FHIT: variants seen among roughly 807,000 people sequenced by gnomAD.
FHIT encodes fragile histidine triad diadenosine triphosphatase, also known as bis(5'-adenosyl)-triphosphatase.
FHIT carries 19 observed loss-of-function variants against 17.9 expected under a neutral mutation model. That is an observed-to-expected ratio of 1.06 (90% CI 0.74 to 1.56). The LOEUF (loss-of-function observed/expected upper bound fraction) is 1.56, where lower values mean the gene tolerates loss of function less well. Among genes scored for constraint, FHIT ranks in the 40% most tolerant of loss-of-function variants. FHIT has a pLI of 0.00. For missense variants in FHIT, 248 were observed against 189.2 expected, an observed-to-expected ratio of 1.31 and a Z score of -1.82; for synonymous variants, 81 against 69.7, an observed-to-expected ratio of 1.16 and a Z score of -0.81.
At chr3:60,310,029 C>T (rs990543860) in intron 5 of FHIT, among the ~76,000 whole-genome samples, 3 of 152,164 alleles carry the variant, frequency 2.0e-5, no homozygotes, top group African/African-American at 7.2e-5. Flanking sequence ...TACTGAGCAC[C>T]TGCCTGCTGT....
intron 5 of FHIT, among the ~76,000 whole-genome samples, chr3:60,150,316 G>C (rs141777207): frequency 9.9e-4 from 150 of 152,030 alleles, no homozygotes; most frequent in African/African-American, 3.5e-3. Flanking sequence ...GCATTTAATG[G>C]GATGTTAGGA....
chr3:60,106,615 T>C (rs1379935124), intron 5 of FHIT, among the ~76,000 whole-genome samples: 1 of 152,272 alleles, frequency 6.6e-6, no homozygotes, highest in Non-Finnish European at 1.5e-5. Context: ...GGTACTGTTG[T>C]ATATCAAACA....
intron 4 of FHIT, among the ~76,000 whole-genome samples, chr3:60,754,457 C>A (rs1260176485): frequency 6.6e-6 from 1 of 152,196 alleles, no homozygotes; most frequent in Admixed American, 6.5e-5. Context: ...CTTGGTCAAA[C>A]TCATCATCTC....
rs189495387 is a variant in FHIT, at chr3:60,747,090, A to G, written c.-18+74829T>C. On this transcript the variant is annotated intron_variant, in intron 4 of 9. Transcript: ENST00000492590. ...TTTATCTCCTGTGAATTCTCCTTTA[A>G]AACTAAGATCACAGTTCTGTGGTTC... Among the ~76,000 whole-genome samples the G allele has an allele frequency of 5.0e-3, 755 of 152,150 alleles. 6 individuals are homozygous for G. The highest frequency in any genetic ancestry group is 8.8e-3 in the Non-Finnish European group (601 of 68,000).
intron 5 of FHIT, among the ~76,000 whole-genome samples, chr3:60,128,185 G>C (rs1705645318): frequency 6.6e-6 from 1 of 152,122 alleles, no homozygotes; most frequent in African/African-American, 2.4e-5. Flanking sequence ...ATATGGTTTG[G>C]CTGTGTTCCC....
At chr3:60,181,143 T>A (rs879204195) in intron 5 of FHIT, among the ~76,000 whole-genome samples, 1 of 133,652 alleles carries the variant, frequency 7.5e-6, no homozygotes. Context: ...CAAATTTTTT[T>A]AATTTTTTTT....
chr3:60,093,637 T>C (rs1559625531), intron 5 of FHIT, among the ~76,000 whole-genome samples: 2 of 152,310 alleles, frequency 1.3e-5, no homozygotes, highest in South Asian at 2.1e-4. Context: ...CAAGCATTAC[T>C]GCCTGAGGTT....
chr3:61,087,429 T>G (rs1346604104), intron 2 of FHIT, among the ~76,000 whole-genome samples: 1 of 152,148 alleles, frequency 6.6e-6, no homozygotes, highest in Non-Finnish European at 1.5e-5. Context: ...GATGTATAAC[T>G]TCCAGCAAGG....
intron 4 of FHIT, among the ~76,000 whole-genome samples, chr3:60,577,860 C>T (rs915921463): frequency 1.1e-4 from 16 of 152,092 alleles, no homozygotes; most frequent in Non-Finnish European, 2.1e-4. Flanking sequence ...TCTGCTTCCC[C>T]TTTTCTAATA....
At chr3:60,030,243 G>A (rs1183937124) in intron 5 of FHIT, among the ~76,000 whole-genome samples, 3 of 152,084 alleles carry the variant, frequency 2.0e-5, no homozygotes, top group East Asian at 3.9e-4. Flanking sequence ...TATTCCATAT[G>A]GATAATGCGC....
At position 59,748,729 on chromosome 3, in the gene FHIT, T is replaced by C. The variant is rs1489780775; in HGVS notation, c.*856A>G. On this transcript the variant is annotated 3_prime_UTR_variant, in exon 10 of 10. Transcript: ENST00000492590. ...CAGTACACAGACTAAGAGAATGGCCTTTAGGGTGGGACTGCCTGGATTCAA... is the reference window on the plus strand; with the variant it reads ...CAGTACACAGACTAAGAGAATGGCCCTTAGGGTGGGACTGCCTGGATTCAA... 1.3e-5 allele frequency among the ~76,000 whole-genome samples: 2 copies of C among 152,114 alleles called. No homozygotes were observed. Among genetic ancestry groups the C allele is most frequent in the Non-Finnish European group, 1.5e-5 (1 of 68,016 alleles).
chr3:60,770,005 G>A (rs991460492), intron 4 of FHIT, among the ~76,000 whole-genome samples: 3 of 152,162 alleles, frequency 2.0e-5, no homozygotes, highest in Non-Finnish European at 4.4e-5. Flanking sequence ...TGTTGGGAGG[G>A]GTCATTAGTC....
chr3:60,220,162 G>A (rs748970947), intron 5 of FHIT, among the ~76,000 whole-genome samples: 10 of 152,106 alleles, frequency 6.6e-5, no homozygotes, highest in Non-Finnish European at 1.5e-4. Context: ...AGACAAAGTG[G>A]AGGCCTCTAG....
chr3:60,331,706 C>T (rs991763036), intron 5 of FHIT, among the ~76,000 whole-genome samples: 26 of 151,810 alleles, frequency 1.7e-4, no homozygotes, highest in African/African-American at 5.3e-4. Flanking sequence ...ATTAGCTGGG[C>T]GTGGTGGCGC....
At chr3:60,402,226 C>T (rs978819028) in intron 5 of FHIT, among the ~76,000 whole-genome samples, 1 of 152,194 alleles carries the variant, frequency 6.6e-6, no homozygotes, top group African/African-American at 2.4e-5. Context: ...GGGCTTGTCA[C>T]TCACAGTTTT....
intron 5 of FHIT, among the ~76,000 whole-genome samples, chr3:60,327,406 T>G (rs1056394145): frequency 5.9e-5 from 9 of 152,194 alleles, no homozygotes; most frequent in Non-Finnish European, 7.3e-5. Context: ...GTGCAGCTAC[T>G]TAGCTCTGAC....
Position 60,677,175 on chromosome 3 carries a change from C to G in FHIT, c.-17-140196G>C, listed in dbSNP as rs1454039340. On this transcript the variant is annotated intron_variant, in intron 4 of 9. Coordinates refer to ENST00000492590, the MANE Select transcript of FHIT (RefSeq NM_002012.4). ...TACAGGCATGAGCCACTGTGCCCAG[C>G]CAATTTTTTAATTACGTAAATTAAA... 5.9e-5 allele frequency among the ~76,000 whole-genome samples: 9 copies of G among 152,106 alleles called. No individual in the cohort carries two copies. The South Asian group carries it at 1.0e-3, about 18-fold the overall frequency.
At chr3:60,560,823 AC>A (rs2036912282) in intron 4 of FHIT, among the ~76,000 whole-genome samples, 1 of 131,876 alleles carries the variant, frequency 7.6e-6, no homozygotes, top group African/African-American at 2.8e-5. Flanking sequence ...ACACACACAC[AC>A]ACACACACAC....
rs9864812 is a variant in FHIT at position 60,952,934 on chromosome 3, A to C, written c.-111+89113T>G. Among the ~76,000 whole-genome samples the C allele has an allele frequency of 2.4e-3, 364 of 152,284 alleles. 1 individual carries two copies. The highest frequency in any genetic ancestry group is 8.6e-3 in the African/African-American group (358 of 41,540). ...TCTTCATTTCCTTATGAGGTATCTCATGTCACATAAAACTTATATTAAATA... is the reference window on the plus strand; with the variant it reads ...TCTTCATTTCCTTATGAGGTATCTCCTGTCACATAAAACTTATATTAAATA... On this transcript the variant is annotated intron_variant, in intron 3 of 9. Coordinates refer to ENST00000492590, the MANE Select transcript of FHIT (RefSeq NM_002012.4).
Sources: gnomAD v4.1 joint callset for allele counts (sites outside exome capture counted in the v4.1 genomes callset) on GRCh38, gnomAD v4.1.1 for gene constraint, MANE v1.5 for transcripts, NCBI Gene and HGNC (gene_info 2026-07-23, HGNC 2026-07-21) for gene names.